CNTN4: variants seen among roughly 807,000 people sequenced by gnomAD.
The protein encoded by CNTN4 is contactin-4.
A neutral mutation model predicts 122.5 loss-of-function variants in CNTN4; 77 were observed. That is an observed-to-expected ratio of 0.63 (90% CI 0.52 to 0.76). The LOEUF (loss-of-function observed/expected upper bound fraction) is 0.76, where lower values mean the gene tolerates loss of function less well. CNTN4 is among the 30% of genes least tolerant of loss of function. The pLI is 0.00. For missense variants in CNTN4, 1,256 were observed against 1,259.1 expected (o/e 1.00, Z 0.04); for synonymous variants, 512 against 447.0 (o/e 1.15, Z -1.83).
chr3:2,535,113 A>G (rs2077750634), intron 3 of CNTN4, among the ~76,000 whole-genome samples: 1 of 152,132 alleles, frequency 6.6e-6, no homozygotes, highest in Non-Finnish European at 1.5e-5. Flanking sequence ...CCTGTCTATT[A>G]TTTAAAGGTA....
chr3:2,737,776 C>T lies in CNTN4; in HGVS notation c.182+1435C>T, dbSNP rs1313275685. Among the ~76,000 whole-genome samples, 11 of 152,294 alleles carry T rather than the reference C, an allele frequency of 7.2e-5. No individual in the cohort carries two copies. In the East Asian group the frequency reaches 1.4e-3, roughly 19 times the overall value. Reference sequence around the variant, plus strand: ...CCCACAGGAGAATCCAACATGAGAACATCTCCCAGAATAAACCTGGGATAC... The same window carrying T: ...CCCACAGGAGAATCCAACATGAGAATATCTCCCAGAATAAACCTGGGATAC... On this transcript the variant is annotated intron_variant, in intron 5 of 24. Transcript: ENST00000418658.
At chr3:2,643,563 C>T (rs2082991329) in intron 4 of CNTN4, among the ~76,000 whole-genome samples, 1 of 152,118 alleles carries the variant, frequency 6.6e-6, no homozygotes, top group African/African-American at 2.4e-5. Flanking sequence ...TCTACAATAA[C>T]AAAACTGTGC....
At chr3:2,121,779 G>A (rs935178295) in intron 2 of CNTN4, among the ~76,000 whole-genome samples, 2 of 151,930 alleles carry the variant, frequency 1.3e-5, no homozygotes, top group Admixed American at 1.3e-4. Flanking sequence ...CAAGAAGTAG[G>A]GTCTGATACC....
chr3:2,625,846 T>C (rs972469355), intron 4 of CNTN4, among the ~76,000 whole-genome samples: 2 of 152,230 alleles, frequency 1.3e-5, no homozygotes, highest in African/African-American at 4.8e-5. Context: ...ATGAGGTATT[T>C]ATATCCTCAG....
rs960473083 is a variant in CNTN4, at chr3:2,352,486, G to A, written c.-89+13253G>A. 5.3e-5 allele frequency among the ~76,000 whole-genome samples: 8 copies of A among 152,342 alleles called. No individual in the cohort carries two copies. In the East Asian group the frequency reaches 1.4e-3, roughly 26 times the overall value. On this transcript the variant is annotated intron_variant, in intron 3 of 24. Transcript: ENST00000418658. ...AGGCTCCACGGGCCCCACACTCAGAGTGGCAGGCCGGCACAGCCAGCCCCT... is the reference window on the plus strand; with the variant it reads ...AGGCTCCACGGGCCCCACACTCAGAATGGCAGGCCGGCACAGCCAGCCCCT...
chr3:2,979,622 T>C (rs1693772790), intron 13 of CNTN4, among the ~76,000 whole-genome samples: 1 of 152,108 alleles, frequency 6.6e-6, no homozygotes, highest in South Asian at 2.1e-4. Flanking sequence ...TTTTTTTTTT[T>C]TTTAATTGCA....
At chr3:2,828,445 G>A (rs1276856650) in intron 7 of CNTN4, among the ~76,000 whole-genome samples, 1 of 152,070 alleles carries the variant, frequency 6.6e-6, no homozygotes, top group East Asian at 1.9e-4. Flanking sequence ...TCTGGTCTTG[G>A]AACTTACAAA....
chr3:3,005,799 C>G (rs1263303834), intron 14 of CNTN4, among the ~76,000 whole-genome samples: 2 of 152,002 alleles, frequency 1.3e-5, no homozygotes, highest in Admixed American at 1.3e-4. Context: ...GATACCATCA[C>G]ATTGGGATTA....
At chr3:2,307,480 T>A (rs888914601) in intron 2 of CNTN4, among the ~76,000 whole-genome samples, 3 of 152,128 alleles carry the variant, frequency 2.0e-5, no homozygotes, top group Non-Finnish European at 4.4e-5. Flanking sequence ...TGTCTTCTTT[T>A]TGATCTCACG....
At chr3:2,869,519 T>G (rs1190397836) in intron 8 of CNTN4, among the ~76,000 whole-genome samples, 6 of 152,234 alleles carry the variant, frequency 3.9e-5, no homozygotes, top group African/African-American at 1.4e-4. Flanking sequence ...CTGCACAGGT[T>G]AGCAAAGGAA....
intron 2 of CNTN4, among the ~76,000 whole-genome samples, chr3:2,229,783 A>G: frequency 6.6e-6 from 1 of 152,318 alleles, no homozygotes; most frequent in East Asian, 1.9e-4. Flanking sequence ...AGTACTAATA[A>G]TTATTAATAA....
At chr3:2,360,885 C>G (rs142056866) in intron 3 of CNTN4, among the ~76,000 whole-genome samples, 246 of 152,260 alleles carry the variant, frequency 1.6e-3, no homozygotes, top group African/African-American at 5.6e-3. Flanking sequence ...TACCATATCA[C>G]TGGGATTTAA....
At chr3:2,791,760 A>G (rs2092019843) in intron 6 of CNTN4, among the ~76,000 whole-genome samples, 1 of 152,164 alleles carries the variant, frequency 6.6e-6, no homozygotes, top group Non-Finnish European at 1.5e-5. Flanking sequence ...CACTGCCTCT[A>G]GGGGTTTTAG....
intron 6 of CNTN4, among the ~76,000 whole-genome samples, chr3:2,783,863 C>T (rs1229317089): frequency 2.0e-5 from 3 of 152,104 alleles, no homozygotes; most frequent in East Asian, 1.9e-4. Flanking sequence ...ATGATGAATC[C>T]GTTCTTTAGT....
At chr3:2,425,544 G>T (rs1372444099) in intron 3 of CNTN4, among the ~76,000 whole-genome samples, 2 of 152,120 alleles carry the variant, frequency 1.3e-5, no homozygotes, top group Non-Finnish European at 2.9e-5. Flanking sequence ...GGATTGTCTT[G>T]GCAATGTGGG....
At chr3:2,827,260 C>A (rs1417625090) in intron 7 of CNTN4, among the ~76,000 whole-genome samples, 1 of 152,150 alleles carries the variant, frequency 6.6e-6, no homozygotes, top group Non-Finnish European at 1.5e-5. Flanking sequence ...GGGTTCCTAG[C>A]ATCACTTTCA....
chr3:2,393,596 T>A (rs1404904922), intron 3 of CNTN4, among the ~76,000 whole-genome samples: 2 of 152,298 alleles, frequency 1.3e-5, no homozygotes, highest in Middle Eastern at 3.4e-3. Flanking sequence ...GGCCTAACAA[T>A]GTGTGAGATT....
At chr3:2,523,671 C>A (rs13078307) in intron 3 of CNTN4, among the ~76,000 whole-genome samples, 27,919 of 151,868 alleles carry the variant, frequency 0.18, 2,931 homozygotes, top group Middle Eastern at 0.25. Context: ...CAGATCAGGA[C>A]GGCAACAGAG....
At chr3:2,778,994 T>G (rs1190531961) in intron 6 of CNTN4, among the ~76,000 whole-genome samples, 1 of 152,238 alleles carries the variant, frequency 6.6e-6, no homozygotes, top group Non-Finnish European at 1.5e-5. Flanking sequence ...TCAGACTCTT[T>G]ACTGTGTTAG....
Sources: gnomAD v4.1 joint callset for allele counts (sites outside exome capture counted in the v4.1 genomes callset) on GRCh38, gnomAD v4.1.1 for gene constraint, MANE v1.5 for transcripts, NCBI Gene and HGNC (gene_info 2026-07-23, HGNC 2026-07-21) for gene names.